The following ADGB variants were observed in gnomAD, a reference collection of about 807,000 sequenced individuals.
ADGB encodes the protein androglobin.
ADGB carries 172 observed loss-of-function variants against 210.5 expected under a neutral mutation model. The ratio of observed to expected loss-of-function variants is 0.82; its 90% CI spans 0.72 to 0.93. ADGB has a LOEUF of 0.93. ADGB is among the 40% of genes least tolerant of loss of function. The pLI is 0.00. For synonymous variants in ADGB, 658 were observed against 662.7 expected (o/e 0.99, Z 0.11); for missense variants, 2,025 against 1,964.8 (o/e 1.03, Z -0.58).
intron 33 of ADGB, 55 bp downstream of exon 33, chr6:146,788,665 G>A: frequency 6.7e-7 from 1 of 1,485,298 alleles, no homozygotes; most frequent in Non-Finnish European, 9.2e-7. Context: ...AAAAATTATG[G>A]AAAAGATTTT....
intron 1 of ADGB, among the ~76,000 whole-genome samples, chr6:146,612,139 CCT>C (rs1358922051): frequency 6.6e-6 from 1 of 152,124 alleles, no homozygotes; most frequent in African/African-American, 2.4e-5. Flanking sequence ...CTGGAGTTTT[CCT>C]CTCTTTCCCA....
intron 16 of ADGB, among the ~76,000 whole-genome samples, 188 bp from the exon 17 acceptor site, chr6:146,721,215 G>A (rs1475962542): frequency 6.6e-6 from 1 of 152,192 alleles, no homozygotes; most frequent in Non-Finnish European, 1.5e-5. Context: ...AGTTTCCACA[G>A]ACGGTTGCCA....
chr6:146,692,446 C>G (rs1398619291), intron 11 of ADGB, among the ~76,000 whole-genome samples: 2 of 152,156 alleles, frequency 1.3e-5, no homozygotes, highest in African/African-American at 2.4e-5. Flanking sequence ...CTCCTTATAT[C>G]CTAAGCAATT....
chr6:146,810,742 G>A (rs1023838781), intron 35 of ADGB, among the ~76,000 whole-genome samples: 1 of 152,098 alleles, frequency 6.6e-6, no homozygotes, highest in Non-Finnish European at 1.5e-5. Context: ...ATGTGGAATT[G>A]TGAAAGTTGA....
intron 17 of ADGB, among the ~76,000 whole-genome samples, chr6:146,722,652 A>T (rs1562283545): frequency 6.6e-6 from 1 of 152,118 alleles, no homozygotes; most frequent in Non-Finnish European, 1.5e-5. Context: ...AAACCCTCAA[A>T]CATTCTCTCT....
At chr6:146,653,989 C>A (rs892949009) in intron 3 of ADGB, 146 bp from the exon 4 acceptor site, 12 of 403,294 alleles carry the variant, frequency 3.0e-5, no homozygotes, top group Non-Finnish European at 4.5e-5. Context: ...TTATTTATAT[C>A]CTACTGCTCA....
At chr6:146,811,672 T>C (rs1778304965) in intron 35 of ADGB, among the ~76,000 whole-genome samples, 1 of 152,172 alleles carries the variant, frequency 6.6e-6, no homozygotes, top group South Asian at 2.1e-4. Flanking sequence ...CTGTGTTTTT[T>C]TGTTTTGTTT....
intron 2 of ADGB, among the ~76,000 whole-genome samples, chr6:146,643,968 T>A (rs1166078816): frequency 6.6e-6 from 1 of 151,876 alleles, no homozygotes; most frequent in African/African-American, 2.4e-5. Context: ...TTACTGAATG[T>A]TATATAGACA....
intron 13 of ADGB, among the ~76,000 whole-genome samples, chr6:146,708,423 C>T (rs1325482680): frequency 1.3e-5 from 2 of 152,046 alleles, no homozygotes; most frequent in African/African-American, 4.8e-5. Flanking sequence ...TGAATTCCCT[C>T]AGCTTTTTTT....
chr6:146,613,876 T>C (rs1263492764), intron 1 of ADGB, among the ~76,000 whole-genome samples: 1 of 151,900 alleles, frequency 6.6e-6, no homozygotes, highest in Non-Finnish European at 1.5e-5. Flanking sequence ...ATTTTATTAA[T>C]AGCAGGTTTA....
rs1270928743 is a variant in ADGB at position 146,728,726 on chromosome 6, TGCACAGCA to T, written c.2506_2513del (p.Ala836LeufsTer54). On this transcript the variant is annotated frameshift_variant, in exon 20 of 36. Transcript: ENST00000397944. LOFTEE classifies it high-confidence loss of function. ...TCCCCTTCCATGATAAAGAACTAAC[TGCACAGCA>T]CTTCAGGGTAAGCTTGTTTGGGATA... 1 of 1,548,888 alleles carries T rather than the reference TGCACAGCA, an allele frequency of 6.5e-7. No homozygotes were observed. Among genetic ancestry groups the T allele is most frequent in the South Asian group, 1.2e-5 (1 of 83,690 alleles).
At chr6:146,774,690 T>C (rs1777696476) in intron 29 of ADGB, among the ~76,000 whole-genome samples, 1 of 152,234 alleles carries the variant, frequency 6.6e-6, no homozygotes, top group Non-Finnish European at 1.5e-5. Context: ...TCAGCTGCTA[T>C]GTATCAATTA....
At chr6:146,766,495 G>A (rs966056991) in intron 28 of ADGB, among the ~76,000 whole-genome samples, 1 of 148,782 alleles carries the variant, frequency 6.7e-6, no homozygotes, top group African/African-American at 2.6e-5. Context: ...CTGGGGGTGA[G>A]GGGGAAACAC....
intron 25 of ADGB, among the ~76,000 whole-genome samples, chr6:146,743,546 G>A (rs143068360): frequency 1.1e-3 from 160 of 152,304 alleles, no homozygotes; most frequent in African/African-American, 3.3e-3. Context: ...GTTGTAAATT[G>A]AGATTGCAGC....
At chr6:146,770,784 G>GT (rs1395671283) in intron 29 of ADGB, among the ~76,000 whole-genome samples, 1 of 152,160 alleles carries the variant, frequency 6.6e-6, no homozygotes, top group African/African-American at 2.4e-5. Flanking sequence ...TTCGTGTGTG[G>GT]TATGTGGATA....
intron 1 of ADGB, among the ~76,000 whole-genome samples, chr6:146,615,067 AT>A (rs373490088): frequency 0.1 from 14,919 of 145,306 alleles, 762 homozygotes; most frequent in African/African-American, 0.14. Context: ...CGCCCGGCTA[AT>A]TTTTTTTTTT....
At position 146,765,726 on chromosome 6, in the gene ADGB, A is replaced by T. The variant is rs1021113585; in HGVS notation, c.3750+1626A>T. Among the ~76,000 whole-genome samples the T allele has an allele frequency of 2.6e-5, 4 of 151,778 alleles. No homozygotes were observed. The South Asian group carries it at 8.3e-4, about 31-fold the overall frequency. ...TCTAAAATAGCATTTGTTTACTACTACTATTTTTAGTAGTAAAAATACAAT... is the reference window on the plus strand; with the variant it reads ...TCTAAAATAGCATTTGTTTACTACTTCTATTTTTAGTAGTAAAAATACAAT... On this transcript the variant is annotated intron_variant, in intron 28 of 35. Transcript: ENST00000397944.
intron 1 of ADGB, among the ~76,000 whole-genome samples, chr6:146,613,834 G>A (rs1780746097): frequency 6.6e-6 from 1 of 151,686 alleles, no homozygotes; most frequent in Non-Finnish European, 1.5e-5. Flanking sequence ...GAAATTAAGT[G>A]CTTTTAAGTT....
chr6:146,645,471 T>C (rs181735349), intron 3 of ADGB, among the ~76,000 whole-genome samples: 4 of 152,154 alleles, frequency 2.6e-5, no homozygotes, highest in Admixed American at 6.6e-5. Flanking sequence ...AGTTTGAATA[T>C]ATTTAGCTTT....
Sources: gnomAD v4.1 joint callset for allele counts (sites outside exome capture counted in the v4.1 genomes callset) on GRCh38, gnomAD v4.1.1 for gene constraint, MANE v1.5 for transcripts, NCBI Gene and HGNC (gene_info 2026-07-23, HGNC 2026-07-21) for gene names.